Variants in TNFRSF1B observed in about 807,000 individuals in gnomAD.
The protein encoded by TNFRSF1B is TNF receptor superfamily member 1B, also known as tumor necrosis factor receptor superfamily member 1B.
In TNFRSF1B, 19 loss-of-function variants were observed where a neutral mutation model predicts 44.6. The observed-to-expected ratio is 0.43, with a 90% CI of 0.30 to 0.62. The LOEUF (loss-of-function observed/expected upper bound fraction) is 0.62. Ranked by LOEUF, TNFRSF1B falls within the 20% of genes least tolerant of loss-of-function variation. The pLI, the probability that TNFRSF1B is intolerant of heterozygous loss-of-function variation, is 0.16. For synonymous variants in TNFRSF1B, 252 were observed against 261.1 expected, an observed-to-expected ratio of 0.97 and a Z score of 0.34; for missense variants, 541 against 619.9, an observed-to-expected ratio of 0.87 and a Z score of 1.35.
rs763535034 is a variant in TNFRSF1B at position 12,193,140 on chromosome 1, C to A, written c.787+42C>A. On this transcript the variant is annotated intron_variant, in intron 6 of 9. Coordinates refer to ENST00000376259, the MANE Select transcript of TNFRSF1B (RefSeq NM_001066.3). Reference sequence around the variant, plus strand: ...CTCATTCATTCACTCCTTCTGTCTGCCTGTCTTTCTGTCTCTCTTTCTTCC... The same window carrying A: ...CTCATTCATTCACTCCTTCTGTCTGACTGTCTTTCTGTCTCTCTTTCTTCC... The A allele has an allele frequency of 2.0e-6, 3 of 1,513,872 alleles. No homozygotes were observed. In the East Asian group the frequency reaches 7.0e-5, roughly 36 times the overall value. 93.8% of individuals were successfully genotyped at this position (1,513,872 alleles called of 1,614,324 possible). A position where few individuals can be genotyped will look rare whatever the true frequency, so the allele number is the denominator to read the frequency against.
intron 1 of TNFRSF1B, among the ~76,000 whole-genome samples, chr1:12,176,080 G>T (rs1388614338): frequency 6.6e-6 from 1 of 151,740 alleles, no homozygotes; most frequent in Non-Finnish European, 1.5e-5. Context: ...TTAGCCAGGC[G>T]TGGTGGTGTG....
At chr1:12,176,869 G>A (rs1638667642) in intron 1 of TNFRSF1B, among the ~76,000 whole-genome samples, 1 of 152,310 alleles carries the variant, frequency 6.6e-6, no homozygotes, top group East Asian at 1.9e-4. Flanking sequence ...GGAAGCCTTT[G>A]GACTGGGCCG....
In TNFRSF1B at chr1:12,167,164, G is replaced by A. The variant is rs1382008273; in HGVS notation, c.73G>A (p.Ala25Thr). The A allele has an allele frequency of 7.8e-7, 1 of 1,279,420 alleles. No individual in the cohort carries two copies. Among genetic ancestry groups the A allele is most frequent in the East Asian group, 3.2e-5 (1 of 31,364 alleles). The allele number at this position is 1,279,420 out of a possible 1,614,324, so 79.3% of individuals were successfully genotyped here. The change falls in exon 1 of 10, where the codon GCC (alanine) becomes ACC (threonine). Residue 25 changes from alanine to threonine, a missense_variant. Transcript: ENST00000376259. ...ELWAAAHALP[A>T]QVAFTPYAPE... ...CTGGGCTGCGGCGCACGCCTTGCCC[G>A]CCCAGGTGGGTGACTCGCGCGGCCC... is the stretch of plus-strand genomic sequence containing the variant.
At position 12,193,213 on chromosome 1, in the gene TNFRSF1B, C is replaced by T. The variant is rs941728356; in HGVS notation, c.787+115C>T. On this transcript the variant is annotated intron_variant, in intron 6 of 9. Transcript: ENST00000376259. Reference sequence around the variant, plus strand: ...CCCACGGGGGGCTGGACCCTGTGCCCTGTCCTGGGATACAGGTGGCAGTGA... The same window carrying T: ...CCCACGGGGGGCTGGACCCTGTGCCTTGTCCTGGGATACAGGTGGCAGTGA... 4 of 950,150 alleles carry T rather than the reference C, an allele frequency of 4.2e-6. No homozygotes were observed. In the Admixed American group the frequency reaches 8.0e-5, roughly 19 times the overall value. 58.9% of individuals were successfully genotyped at this position (950,150 alleles called of 1,614,324 possible).
At chr1:12,183,446 T>TTCTCTCTC (rs33995912) in intron 1 of TNFRSF1B, among the ~76,000 whole-genome samples, 12 of 147,250 alleles carry the variant, frequency 8.1e-5, no homozygotes, top group African/African-American at 3.0e-4. Context: ...CTTTTATCTA[T>TTCTCTCTC]TCTCTCTCTC....
chr1:12,185,683 AG>A (rs1220217029), intron 1 of TNFRSF1B, among the ~76,000 whole-genome samples: 1 of 152,206 alleles, frequency 6.6e-6, no homozygotes, highest in Non-Finnish European at 1.5e-5. Flanking sequence ...CCTCCGGGGC[AG>A]GCCAGGGTGG....
chr1:12,205,009 C>G (rs1168108211), intron 9 of TNFRSF1B, among the ~76,000 whole-genome samples: 2 of 151,558 alleles, frequency 1.3e-5, no homozygotes, highest in African/African-American at 4.9e-5. Flanking sequence ...ACCCCCGTCT[C>G]TACTAAAAAA....
At chr1:12,167,635 C>T (rs1215882535) in intron 1 of TNFRSF1B, 4 of 236,582 alleles carry the variant, frequency 1.7e-5, no homozygotes, top group Non-Finnish European at 3.5e-5. Flanking sequence ...ACTTCCTTTT[C>T]CTCTGGGCGA....
chr1:12,197,010 C>T (rs1639281738), intron 8 of TNFRSF1B, among the ~76,000 whole-genome samples: 1 of 151,480 alleles, frequency 6.6e-6, no homozygotes, highest in East Asian at 1.9e-4. Flanking sequence ...TGCAGTGGCG[C>T]CCTCTTGGCT....
intron 8 of TNFRSF1B, among the ~76,000 whole-genome samples, chr1:12,201,260 CAAAAAA>C (rs1177930307): frequency 1.8e-5 from 1 of 55,800 alleles, no homozygotes; most frequent in Admixed American, 1.9e-4. Flanking sequence ...GACCCTGTCT[CAAAAAA>C]AAAAAAAAAA....
rs1638406704 is a variant in TNFRSF1B, at chr1:12,167,116, G to T, written c.25G>T (p.Ala9Ser). 4 of 1,350,882 alleles carry T rather than the reference G, an allele frequency of 3.0e-6. No homozygotes were observed. Among genetic ancestry groups the T allele is most frequent in the East Asian group, 3.1e-5 (1 of 31,812 alleles). The allele number at this position is 1,350,882 out of a possible 1,614,324, so 83.7% of individuals were successfully genotyped here. Residue 9 changes from alanine to serine, a missense_variant, in exon 1 of 10, where the codon GCG (alanine) becomes TCG (serine). Transcript: ENST00000376259. ...CATGGCGCCCGTCGCCGTCTGGGCC[G>T]CGCTGGCCGTCGGACTGGAGCTCTG... MAPVAVWA[A>S]LAVGLELWAA...
chr1:12,191,593 G>GGAGAGTAGCGGGACTGCC, intron 3 of TNFRSF1B, 181 bp from the exon 4 acceptor site: 1 of 705,930 alleles, frequency 1.4e-6, no homozygotes, highest in Non-Finnish European at 2.4e-6. Flanking sequence ...GCGGGACTGC[G>GGAGAGTAGCGGGACTGCC]GAGAGTAGCA....
At chr1:12,174,933 T>C (rs1274136813) in intron 1 of TNFRSF1B, among the ~76,000 whole-genome samples, 1 of 152,220 alleles carries the variant, frequency 6.6e-6, no homozygotes, top group Non-Finnish European at 1.5e-5. Context: ...AGCGCAGAAA[T>C]CACCAGGAGC....
intron 1 of TNFRSF1B, among the ~76,000 whole-genome samples, chr1:12,170,464 C>T (rs775876545): frequency 2.6e-5 from 4 of 152,240 alleles, no homozygotes; most frequent in Admixed American, 6.5e-5. Context: ...GGCATTCTTA[C>T]GTCAGAGGTG....
At chr1:12,201,130 C>T (rs908716473) in intron 8 of TNFRSF1B, among the ~76,000 whole-genome samples, 28 of 151,974 alleles carry the variant, frequency 1.8e-4, no homozygotes, top group African/African-American at 6.5e-4. Context: ...AGCAGTGACA[C>T]GTGCCTGTGG....
intron 4 of TNFRSF1B, 176 bp from the exon 5 acceptor site, chr1:12,192,227 CGTGCATGTGTGTACAGGAATCTGTGTGT>C (rs1439574038): frequency 3.4e-5 from 24 of 709,772 alleles, no homozygotes; most frequent in Non-Finnish European, 4.8e-5. Context: ...AGCCCAATCC[CGTGCATGTGTGTACAGGAATCTGTGTGT>C]GTGCATGTGT....
In TNFRSF1B at chr1:12,180,779, C is replaced by T. The variant is rs984470048; in HGVS notation, c.79-8017C>T. ...CCAGCGGGGTCTTTTCTTCCTGGAG[C>T]TCGGCCCTCGGCAGCTCTCAGAAGC... On this transcript the variant is annotated intron_variant, in intron 1 of 9. Coordinates refer to ENST00000376259, the MANE Select transcript of TNFRSF1B (RefSeq NM_001066.3). This position sits in a 1 kb window ranked among gnomAD's most constrained non-coding sequence, Gnocchi z 4.3. Among the ~76,000 whole-genome samples, 8 of 152,196 alleles carry T rather than the reference C, an allele frequency of 5.3e-5. No homozygotes were observed. Among genetic ancestry groups the T allele is most frequent in the Non-Finnish European group, 1.0e-4 (7 of 68,026 alleles).
intron 1 of TNFRSF1B, among the ~76,000 whole-genome samples, chr1:12,176,686 G>T (rs1275359106): frequency 1.3e-5 from 2 of 152,224 alleles, no homozygotes; most frequent in Non-Finnish European, 2.9e-5. Flanking sequence ...TTTTGAGCAA[G>T]AGAGTGACAG....
At chr1:12,194,355 A>G (rs578102910) in intron 7 of TNFRSF1B, among the ~76,000 whole-genome samples, 1 of 152,152 alleles carries the variant, frequency 6.6e-6, no homozygotes, top group South Asian at 2.1e-4. Flanking sequence ...AGGGAAGGAC[A>G]CGCATCCTCA....
Sources: gnomAD v4.1 joint callset for allele counts (sites outside exome capture counted in the v4.1 genomes callset) on GRCh38, gnomAD v4.1.1 for gene constraint, Gnocchi (gnomAD v3.1) non-coding constraint, MANE v1.5 for transcripts, NCBI Gene and HGNC (gene_info 2026-07-23, HGNC 2026-07-21) for gene names.